CTNNA3: variants seen among roughly 807,000 people sequenced by gnomAD.
CTNNA3 encodes catenin alpha 3.
A neutral mutation model predicts 95.7 loss-of-function variants in CTNNA3; 76 were observed. The ratio of observed to expected loss-of-function variants is 0.79; its 90% confidence interval spans 0.66 to 0.96. CTNNA3 has a LOEUF of 0.96. Ranked by LOEUF, CTNNA3 falls within the 40% of genes least tolerant of loss-of-function variation. The pLI is 0.00. For missense variants in CTNNA3, 1,191 were observed against 1,089.8 expected (o/e 1.09, Z -1.31); for synonymous variants, 431 against 374.4 (o/e 1.15, Z -1.74).
intron 15 of CTNNA3, among the ~76,000 whole-genome samples, chr10:66,018,305 A>G (rs2079135199): frequency 6.6e-6 from 1 of 151,996 alleles, no homozygotes; most frequent in Non-Finnish European, 1.5e-5. Context: ...GTTTGTATTC[A>G]CTGCTTTTTA....
intron 5 of CTNNA3, among the ~76,000 whole-genome samples, chr10:67,485,500 T>C (rs1848410402): frequency 6.6e-6 from 1 of 152,004 alleles, no homozygotes; most frequent in African/African-American, 2.4e-5. Flanking sequence ...GATTCTAAAA[T>C]TAAAATTAAA....
intron 11 of CTNNA3, among the ~76,000 whole-genome samples, chr10:66,496,657 T>A (rs556122777): frequency 2.4e-4 from 37 of 152,322 alleles, no homozygotes; most frequent in Admixed American, 2.0e-3. Flanking sequence ...ATTGTCTTAG[T>A]ATTCTCCTAC....
At chr10:66,154,920 T>A (rs1444969379) in intron 13 of CTNNA3, among the ~76,000 whole-genome samples, 1 of 151,248 alleles carries the variant, frequency 6.6e-6, no homozygotes, top group Non-Finnish European at 1.5e-5. Flanking sequence ...GACAAAGAGT[T>A]GACAAACATT....
At chr10:66,930,810 G>C (rs948199349) in intron 7 of CTNNA3, among the ~76,000 whole-genome samples, 9 of 152,010 alleles carry the variant, frequency 5.9e-5, no homozygotes, top group Admixed American at 5.2e-4. Context: ...CATAATAATA[G>C]ATAAGAACGA....
chr10:66,912,328 A>C (rs1365994425), intron 7 of CTNNA3, among the ~76,000 whole-genome samples: 1 of 152,218 alleles, frequency 6.6e-6, no homozygotes, highest in Non-Finnish European at 1.5e-5. Flanking sequence ...ATTCCAAAGC[A>C]TAAATGATAA....
At chr10:66,007,916 G>A (rs1422916619) in intron 15 of CTNNA3, among the ~76,000 whole-genome samples, 1 of 151,080 alleles carries the variant, frequency 6.6e-6, no homozygotes, top group East Asian at 2.0e-4. Flanking sequence ...CCCCAGCAGT[G>A]TGCCTTAAGT....
intron 12 of CTNNA3, among the ~76,000 whole-genome samples, chr10:66,301,363 G>A (rs373906372): frequency 4.0e-5 from 6 of 151,864 alleles, no homozygotes; most frequent in South Asian, 4.1e-4. Context: ...CAAAGACATT[G>A]AAAGAAAGGA....
intron 15 of CTNNA3, among the ~76,000 whole-genome samples, chr10:65,990,855 C>A (rs1038440467): frequency 2.6e-5 from 4 of 151,942 alleles, no homozygotes; most frequent in African/African-American, 9.7e-5. Flanking sequence ...TGACCTGAAG[C>A]ATTTCCCCAA....
chr10:66,269,202 A>G (rs191293261), intron 13 of CTNNA3, among the ~76,000 whole-genome samples: 1 of 152,242 alleles, frequency 6.6e-6, no homozygotes, highest in South Asian at 2.1e-4. Context: ...AAGTTAAAAG[A>G]CTACATGACT....
intron 13 of CTNNA3, among the ~76,000 whole-genome samples, chr10:66,205,517 C>T (rs1354647751): frequency 6.6e-6 from 1 of 151,952 alleles, no homozygotes; most frequent in East Asian, 1.9e-4. Context: ...CAACTCCTAA[C>T]TTAAGAATGG....
At chr10:67,416,126 T>C (rs1350810253) in intron 5 of CTNNA3, among the ~76,000 whole-genome samples, 5 of 151,768 alleles carry the variant, frequency 3.3e-5, no homozygotes, top group African/African-American at 1.2e-4. Flanking sequence ...GCAACTGCAA[T>C]AAAAACAAAA....
intron 7 of CTNNA3, among the ~76,000 whole-genome samples, chr10:66,862,929 AC>A (rs1338099473): frequency 6.6e-6 from 1 of 152,048 alleles, no homozygotes; most frequent in Admixed American, 6.6e-5. Flanking sequence ...AGTAAGGAAA[AC>A]TTTTGCCTCC....
rs2077042257 is a variant in CTNNA3, at chr10:65,919,096, G to A, written c.*1234C>T. On this transcript the variant is annotated 3_prime_UTR_variant, in exon 18 of 18. Coordinates refer to ENST00000433211, the MANE Select transcript of CTNNA3 (RefSeq NM_013266.4). ...AGAAAAAATGAAAACAAAACTTATG[G>A]CCTCCAAAGAGTTTCTGTTAAGGAC... is the stretch of plus-strand genomic sequence containing the variant. 6.6e-6 allele frequency: 1 copy of A among 152,050 alleles called. No homozygotes were observed. 9.4% of individuals were successfully genotyped at this position (152,050 alleles called of 1,614,324 possible). A position where few individuals can be genotyped will look rare whatever the true frequency, so the allele number is the denominator to read the frequency against.
chr10:66,933,104 A>C (rs545530155), intron 7 of CTNNA3, among the ~76,000 whole-genome samples: 5 of 152,220 alleles, frequency 3.3e-5, no homozygotes, highest in Non-Finnish European at 5.9e-5. Context: ...TCTTTTCAAA[A>C]AGCCCTTAGT....
chr10:67,187,503 T>C (rs992063193), intron 6 of CTNNA3, among the ~76,000 whole-genome samples: 2 of 151,288 alleles, frequency 1.3e-5, no homozygotes, highest in Non-Finnish European at 2.9e-5. Context: ...AAGGAAGACA[T>C]AGTCTTTCTC....
intron 2 of CTNNA3, among the ~76,000 whole-genome samples, chr10:67,634,420 C>T (rs1033571241): frequency 5.3e-5 from 8 of 152,158 alleles, no homozygotes; most frequent in African/African-American, 1.9e-4. Context: ...ACTACATAAA[C>T]AAGTCTGCAA....
At chr10:67,469,582 G>C (rs1378491950) in intron 5 of CTNNA3, among the ~76,000 whole-genome samples, 1 of 151,030 alleles carries the variant, frequency 6.6e-6, no homozygotes, top group African/African-American at 2.4e-5. Flanking sequence ...ACACAGGGAG[G>C]GGAACATCAT....
chr10:67,245,138 C>T (rs1288833949), intron 5 of CTNNA3, among the ~76,000 whole-genome samples: 2 of 152,124 alleles, frequency 1.3e-5, no homozygotes, highest in Non-Finnish European at 2.9e-5. Flanking sequence ...CCATGGACCT[C>T]CTTGCTGCTT....
At chr10:66,281,675 C>T (rs1300082454) in intron 12 of CTNNA3, among the ~76,000 whole-genome samples, 5 of 151,798 alleles carry the variant, frequency 3.3e-5, no homozygotes, top group Admixed American at 3.3e-4. Flanking sequence ...AATATTTTGA[C>T]TGGTATAAAA....
Sources: gnomAD v4.1 joint callset for allele counts (sites outside exome capture counted in the v4.1 genomes callset) on GRCh38, gnomAD v4.1.1 for gene constraint, MANE v1.5 for transcripts, NCBI Gene and HGNC (gene_info 2026-07-23, HGNC 2026-07-21) for gene names.